The following MINPP1 variants were observed in gnomAD, a reference collection of about 807,000 sequenced individuals.
MINPP1 encodes multiple inositol polyphosphate phosphatase 1.
A neutral mutation model predicts 46.1 loss-of-function variants in MINPP1; 28 were observed. That is an observed-to-expected ratio of 0.61 (90% CI 0.45 to 0.83). The LOEUF is 0.83. Ranked by LOEUF, MINPP1 falls within the 40% of genes least tolerant of loss-of-function variation. The probability of loss-of-function intolerance (pLI) is 0.00; values close to 1 mark genes in which losing one functional copy is unlikely to be tolerated. For missense variants in MINPP1, 603 were observed against 610.0 expected, an observed-to-expected ratio of 0.99 and a Z score of 0.12; for synonymous variants, 268 against 249.1, an observed-to-expected ratio of 1.08 and a Z score of -0.72.
intron 1 of MINPP1, among the ~76,000 whole-genome samples, chr10:87,506,532 T>A (rs1564670222): frequency 1.3e-5 from 2 of 152,204 alleles, no homozygotes; most frequent in African/African-American, 4.8e-5. Context: ...ACGAACACAT[T>A]AAATAATTTG....
intron 4 of MINPP1, among the ~76,000 whole-genome samples, chr10:87,530,714 GTA>G (rs1393918334): frequency 2.6e-5 from 4 of 152,192 alleles, no homozygotes; most frequent in African/African-American, 9.7e-5. Context: ...GGGAGAACCA[GTA>G]CTCTCTTCAA....
At chr10:87,521,336 C>T (rs1386076280) in intron 4 of MINPP1, among the ~76,000 whole-genome samples, 167 bp downstream of exon 4, 1 of 152,092 alleles carries the variant, frequency 6.6e-6, no homozygotes, top group East Asian at 1.9e-4. Flanking sequence ...AATTATAAAA[C>T]ATACGAACCT....
In MINPP1 at chr10:87,552,567, G is replaced by A. The variant is rs1350715424; in HGVS notation, c.*89G>A. 2 of 1,293,932 alleles carry A rather than the reference G, an allele frequency of 1.5e-6. No individual in the cohort carries two copies. 80.2% of individuals were successfully genotyped at this position (1,293,932 alleles called of 1,614,324 possible). A position where few individuals can be genotyped will look rare whatever the true frequency, so the allele number is the denominator to read the frequency against. On this transcript the variant is annotated 3_prime_UTR_variant, in exon 5 of 5. Coordinates refer to ENST00000371996, the MANE Select transcript of MINPP1 (RefSeq NM_004897.5). ...GTAGGCAATTCCTTGATTACAGGAA[G>A]CTTTTATATTACTTGAGTATTTCTG...
At chr10:87,549,315 T>C (rs1037276777) in intron 4 of MINPP1, among the ~76,000 whole-genome samples, 1 of 152,226 alleles carries the variant, frequency 6.6e-6, no homozygotes, top group Non-Finnish European at 1.5e-5. Context: ...TTGGTCTCTT[T>C]CCTTCCCCCA....
At chr10:87,513,092 A>G in intron 2 of MINPP1, 32 bp from the exon 3 acceptor site, 1 of 1,524,890 alleles carries the variant, frequency 6.6e-7, no homozygotes, top group Non-Finnish European at 9.1e-7. Context: ...GAAAATAATG[A>G]CCCACAAAAT....
At chr10:87,520,246 C>T (rs1452059654) in intron 3 of MINPP1, among the ~76,000 whole-genome samples, 1 of 152,076 alleles carries the variant, frequency 6.6e-6, no homozygotes, top group Non-Finnish European at 1.5e-5. Context: ...ATTTAACCAT[C>T]TACCTACTAT....
intron 2 of MINPP1, chr10:87,509,681 C>A: frequency 3.5e-6 from 1 of 287,968 alleles, no homozygotes; most frequent in Non-Finnish European, 7.2e-6. Context: ...TATCCCATGC[C>A]AGTTTTATAC....
chr10:87,514,145 A>G (rs1851376788), intron 3 of MINPP1, among the ~76,000 whole-genome samples: 1 of 152,086 alleles, frequency 6.6e-6, no homozygotes. Context: ...AAGGTAACAT[A>G]TTCATAGGAT....
intron 4 of MINPP1, among the ~76,000 whole-genome samples, chr10:87,549,136 T>C (rs1851928278): frequency 6.6e-6 from 1 of 152,184 alleles, no homozygotes. Flanking sequence ...AACATATCAC[T>C]GACAGTAAGG....
chr10:87,506,466 C>T (rs1851252777), intron 1 of MINPP1, among the ~76,000 whole-genome samples: 1 of 152,040 alleles, frequency 6.6e-6, no homozygotes, highest in Admixed American at 6.6e-5. Context: ...TCCTTACAAC[C>T]ACAATCTGGA....
intron 3 of MINPP1, among the ~76,000 whole-genome samples, chr10:87,518,668 ATCG>A (rs1230744812): frequency 1.4e-4 from 21 of 152,170 alleles, no homozygotes; most frequent in African/African-American, 4.3e-4. Context: ...CAAGTGCCCC[ATCG>A]GTACTCTTCT....
At position 87,537,602 on chromosome 10, in the gene MINPP1, C is replaced by T. The variant is rs539200076; in HGVS notation, c.1068-14480C>T. On this transcript the variant is annotated intron_variant, in intron 4 of 4. Transcript: ENST00000371996. ...TTTATGCTCTATAGGAATATATTCT[C>T]TTAGTCTATGGTTTGCCTTTCTTAA... is the stretch of plus-strand genomic sequence containing the variant. Among the ~76,000 whole-genome samples, 65 of 150,910 alleles carry T rather than the reference C, an allele frequency of 4.3e-4. 1 individual carries two copies. Among genetic ancestry groups the T allele is most frequent in the Non-Finnish European group, 3.5e-4 (24 of 67,830 alleles).
intron 2 of MINPP1, among the ~76,000 whole-genome samples, chr10:87,512,244 T>C (rs1851345127): frequency 6.6e-6 from 1 of 152,198 alleles, no homozygotes; most frequent in Non-Finnish European, 1.5e-5. Context: ...CCCATATGTA[T>C]CTCAAAGTAA....
chr10:87,504,988 T>TA lies in MINPP1; in HGVS notation c.73_74insA (p.Ser25TyrfsTer48). ...CGCGGCCCTGGCTGCGGCGCTGCTC[T>TA]CGTCGCTTGCGCGCTGCTCTCTTCT... On this transcript the variant is annotated frameshift_variant, in exon 1 of 5. Coordinates refer to ENST00000371996, the MANE Select transcript of MINPP1 (RefSeq NM_004897.5). LOFTEE classifies it high-confidence loss of function. 1 of 1,612,528 alleles carries TA rather than the reference T, an allele frequency of 6.2e-7. No individual in the cohort carries two copies. Among genetic ancestry groups the TA allele is most frequent in the Non-Finnish European group, 8.5e-7 (1 of 1,179,744 alleles).
chr10:87,509,457 T>G (rs750204525), intron 2 of MINPP1, among the ~76,000 whole-genome samples: 5 of 152,218 alleles, frequency 3.3e-5, no homozygotes, highest in African/African-American at 7.2e-5. Flanking sequence ...TTAAAAATTA[T>G]TTACTTTATT....
chr10:87,539,361 G>A (rs1039865504), intron 4 of MINPP1, among the ~76,000 whole-genome samples: 2 of 152,176 alleles, frequency 1.3e-5, no homozygotes, highest in African/African-American at 4.8e-5. Context: ...AGTTAAAGGT[G>A]TAATTCCTTT....
At chr10:87,517,876 G>A (rs753143722) in intron 3 of MINPP1, among the ~76,000 whole-genome samples, 5 of 151,550 alleles carry the variant, frequency 3.3e-5, no homozygotes, top group Admixed American at 6.6e-5. Flanking sequence ...TGGCCAGGCT[G>A]GTCTTGAACT....
chr10:87,552,314 G>A lies in MINPP1; in HGVS notation c.1300G>A (p.Val434Met), dbSNP rs373225378. 12 of 1,613,680 alleles carry A rather than the reference G, an allele frequency of 7.4e-6. No homozygotes were observed. The highest frequency in any genetic ancestry group is 8.5e-6 in the Non-Finnish European group (10 of 1,179,818). ...NAKTPKEQFR[V>M]QMLLNEKVLP... ...TAAGACTCCTAAAGAACAATTCCGA[G>A]TGCAGATGTTATTAAATGAAAAGGT... The change falls in exon 5 of 5, where the codon GTG (valine) becomes ATG (methionine). Residue 434 changes from valine (V) to methionine (M), a missense_variant. Around this residue, in one of 3 missense-constraint regions of MINPP1, gnomAD observed 344 missense variants for 381.1 expected, o/e 0.90. Transcript: ENST00000371996.
At chr10:87,546,956 T>A (rs891310985) in intron 4 of MINPP1, among the ~76,000 whole-genome samples, 4 of 152,022 alleles carry the variant, frequency 2.6e-5, no homozygotes, top group Non-Finnish European at 5.9e-5. Context: ...GAAAAAAATA[T>A]CATTTAAAAA....
Sources: allele counts gnomAD v4.1 joint callset (sites outside exome capture counted in the v4.1 genomes callset), GRCh38; gene constraint gnomAD v4.1.1; regional missense constraint gnomAD v4.1.1; transcripts MANE v1.5; gene names NCBI Gene and HGNC (gene_info 2026-07-23, HGNC 2026-07-21).